The following COMMD10 variants were observed in gnomAD, a reference collection of about 807,000 sequenced individuals.
COMMD10 encodes the protein COMM domain containing 10.
COMMD10 carries 33 observed loss-of-function variants against 28.9 expected under a neutral mutation model. The observed-to-expected ratio is 1.14, with a 90% CI of 0.87 to 1.53. COMMD10 has a LOEUF of 1.53. COMMD10 is among the 40% of genes most tolerant of loss of function. The pLI, the probability that COMMD10 is intolerant of heterozygous loss-of-function variation, is 0.00. For synonymous variants in COMMD10, 110 were observed against 81.7 expected (o/e 1.35, Z -1.87); for missense variants, 310 against 233.4 (o/e 1.33, Z -2.14).
At chr5:116,089,543 G>A (rs908108830) in intron 2 of COMMD10, among the ~76,000 whole-genome samples, 2 of 152,206 alleles carry the variant, frequency 1.3e-5, no homozygotes, top group African/African-American at 4.8e-5. Context: ...TGGAGAACTT[G>A]CACAGAAAAT....
At chr5:116,091,247 T>C in intron 3 of COMMD10, 58 bp downstream of exon 3, 3 of 842,020 alleles carry the variant, frequency 3.6e-6, no homozygotes, top group South Asian at 3.6e-5. Context: ...ATTTGTATTG[T>C]TATGATATCT....
intron 5 of COMMD10, among the ~76,000 whole-genome samples, chr5:116,191,704 C>T (rs888124126): frequency 1.3e-5 from 2 of 151,856 alleles, no homozygotes; most frequent in African/African-American, 2.4e-5. Context: ...CCTTCCCTAC[C>T]CACCCTAGTA....
chr5:116,123,940 T>G (rs1448570686), intron 4 of COMMD10, among the ~76,000 whole-genome samples: 2 of 151,758 alleles, frequency 1.3e-5, no homozygotes, highest in African/African-American at 2.4e-5. Context: ...TTTTTTTATC[T>G]ATTTGATTCT....
intron 5 of COMMD10, among the ~76,000 whole-genome samples, chr5:116,191,350 G>T (rs536916529): frequency 4.6e-5 from 7 of 152,160 alleles, no homozygotes; most frequent in Non-Finnish European, 8.8e-5. Context: ...GGTGGGGGAA[G>T]AATGAAGCCC....
intron 5 of COMMD10, among the ~76,000 whole-genome samples, chr5:116,290,185 T>C (rs1271520700): frequency 6.6e-6 from 1 of 151,836 alleles, no homozygotes; most frequent in Non-Finnish European, 1.5e-5. Flanking sequence ...CCTAGGCTTA[T>C]CATCCTTCCT....
intron 5 of COMMD10, among the ~76,000 whole-genome samples, chr5:116,258,530 T>G (rs1366541568): frequency 6.6e-6 from 1 of 151,758 alleles, no homozygotes; most frequent in East Asian, 1.9e-4. Context: ...TGTTTTTGCA[T>G]GACTGAAAAT....
intron 5 of COMMD10, chr5:116,218,026 C>T (rs1749150169): frequency 3.8e-6 from 4 of 1,053,256 alleles, no homozygotes; most frequent in Non-Finnish European, 5.9e-6. Flanking sequence ...ACACACTTCT[C>T]TTGGCACCTC....
rs551810581 is a variant in COMMD10, at chr5:116,136,430, G to A, written c.510+2252G>A. On this transcript the variant is annotated intron_variant, in intron 5 of 6. Coordinates refer to ENST00000274458, the MANE Select transcript of COMMD10 (RefSeq NM_016144.4). ...CGTGACTACCTAATGTTAAGTCTGC[G>A]TAGCTAAAAGCATTTTGTATGTTGG... Among the ~76,000 whole-genome samples the A allele has an allele frequency of 7.2e-5, 11 of 152,192 alleles. No individual in the cohort carries two copies. In the South Asian group the frequency reaches 1.7e-3, roughly 23 times the overall value.
intron 5 of COMMD10, among the ~76,000 whole-genome samples, chr5:116,163,591 A>G (rs1368047149): frequency 6.6e-6 from 1 of 152,056 alleles, no homozygotes; most frequent in Middle Eastern, 3.2e-3. Context: ...CTCTGTCTCC[A>G]AAAAAATAAA....
At chr5:116,120,256 A>G (rs1751383442) in intron 4 of COMMD10, among the ~76,000 whole-genome samples, 1 of 152,162 alleles carries the variant, frequency 6.6e-6, no homozygotes, top group South Asian at 2.1e-4. Context: ...TCAGGAATGG[A>G]AAACCAAATA....
intron 5 of COMMD10, among the ~76,000 whole-genome samples, chr5:116,279,418 C>T (rs1751009399): frequency 6.6e-6 from 1 of 151,676 alleles, no homozygotes; most frequent in South Asian, 2.1e-4. Context: ...TGCAGTTGTC[C>T]TTTTGTAACT....
At chr5:116,252,651 T>C (rs1415806450) in intron 5 of COMMD10, among the ~76,000 whole-genome samples, 949 of 120,878 alleles carry the variant, frequency 7.9e-3, no homozygotes, top group Middle Eastern at 0.012. Flanking sequence ...TCTGTTCCAT[T>C]GATCTATATC....
chr5:116,288,323 T>C (rs1054152965), intron 5 of COMMD10, among the ~76,000 whole-genome samples: 2 of 152,022 alleles, frequency 1.3e-5, no homozygotes, highest in Non-Finnish European at 2.9e-5. Flanking sequence ...GATAATATTA[T>C]GGAAGCTCCC....
chr5:116,265,351 T>C (rs906588935), intron 5 of COMMD10, among the ~76,000 whole-genome samples: 2 of 151,724 alleles, frequency 1.3e-5, no homozygotes, highest in African/African-American at 4.9e-5. Context: ...TCAGACAACC[T>C]ATAGGTATGA....
chr5:116,252,940 T>C (rs1295321214), intron 5 of COMMD10, among the ~76,000 whole-genome samples: 1 of 104,570 alleles, frequency 9.6e-6, no homozygotes, highest in Non-Finnish European at 2.0e-5. Flanking sequence ...GAGCATGGAA[T>C]GTTCTTCCAT....
At chr5:116,140,818 A>G (rs138197187) in intron 5 of COMMD10, among the ~76,000 whole-genome samples, 1 of 151,782 alleles carries the variant, frequency 6.6e-6, no homozygotes, top group Non-Finnish European at 1.5e-5. Context: ...TGAGTTCCTT[A>G]TACATGTTGT....
intron 3 of COMMD10, among the ~76,000 whole-genome samples, chr5:116,091,393 A>G (rs766782375): frequency 2.0e-5 from 3 of 152,174 alleles, no homozygotes; most frequent in Non-Finnish European, 4.4e-5. Flanking sequence ...TTGATTTGAG[A>G]CAGTTATACA....
intron 4 of COMMD10, among the ~76,000 whole-genome samples, chr5:116,119,360 C>G (rs1225771176): frequency 6.6e-6 from 1 of 152,172 alleles, no homozygotes; most frequent in Non-Finnish European, 1.5e-5. Context: ...TTTGATGTAG[C>G]AGCCAAATTA....
At chr5:116,193,516 G>A (rs528445921) in intron 5 of COMMD10, among the ~76,000 whole-genome samples, 1 of 152,246 alleles carries the variant, frequency 6.6e-6, no homozygotes, top group South Asian at 2.1e-4. Context: ...AAAGCAAATA[G>A]GGAAAGCTAC....
Sources: gnomAD v4.1 joint callset for allele counts (sites outside exome capture counted in the v4.1 genomes callset) on GRCh38, gnomAD v4.1.1 for gene constraint, MANE v1.5 for transcripts, NCBI Gene and HGNC (gene_info 2026-07-23, HGNC 2026-07-21) for gene names.